The following SLC37A3 variants were observed in gnomAD, a reference collection of about 807,000 sequenced individuals.
SLC37A3 encodes sugar phosphate exchanger 3.
In SLC37A3, 51 loss-of-function variants were observed where a neutral mutation model predicts 67.1. That is an observed-to-expected ratio of 0.76 (90% CI 0.61 to 0.96). SLC37A3 has a LOEUF of 0.96. Among genes scored for constraint, SLC37A3 ranks in the 40% least tolerant of loss-of-function variants. SLC37A3 has a pLI of 0.00. For synonymous variants in SLC37A3, 214 were observed against 231.4 expected (o/e 0.92, Z 0.68); for missense variants, 508 against 603.0 (o/e 0.84, Z 1.65).
At chr7:140,397,621 A>C (rs1798990962) in intron 1 of SLC37A3, among the ~76,000 whole-genome samples, 1 of 152,190 alleles carries the variant, frequency 6.6e-6, no homozygotes, top group Admixed American at 6.5e-5. Context: ...AGCACTGAAG[A>C]CATTCCCTTC....
chr7:140,387,834 T>TATATATAA (rs2129905684), intron 1 of SLC37A3, among the ~76,000 whole-genome samples: 1 of 99,774 alleles, frequency 1.0e-5, no homozygotes, highest in South Asian at 2.5e-4. Context: ...ATATATATTA[T>TATATATAA]ATATAAACAT....
At chr7:140,398,055 T>C (rs1799007928) in intron 1 of SLC37A3, among the ~76,000 whole-genome samples, 1 of 152,152 alleles carries the variant, frequency 6.6e-6, no homozygotes, top group South Asian at 2.1e-4. Context: ...CCCTCTCCCC[T>C]GGTCCGAACG....
chr7:140,362,793 CCTGGCCAG>C (rs2117156433), intron 5 of SLC37A3, among the ~76,000 whole-genome samples: 1 of 91,816 alleles, frequency 1.1e-5, no homozygotes, highest in African/African-American at 4.1e-5. Context: ...CAGCCCCCCG[CCTGGCCAG>C]CCGCCCCGTC....
At chr7:140,362,407 C>G (rs868528706) in intron 5 of SLC37A3, among the ~76,000 whole-genome samples, 1 of 99,608 alleles carries the variant, frequency 1.0e-5, no homozygotes, top group South Asian at 4.3e-4. Context: ...CCGCCCCGTC[C>G]GGGAGGGAGG....
At chr7:140,383,284 A>G (rs2129831702) in intron 1 of SLC37A3, among the ~76,000 whole-genome samples, 1 of 151,786 alleles carries the variant, frequency 6.6e-6, no homozygotes, top group South Asian at 2.1e-4. Context: ...TTTTTCACAA[A>G]GTGTTGGAGG....
chr7:140,390,822 G>C (rs1373836004), intron 1 of SLC37A3, among the ~76,000 whole-genome samples: 3 of 152,058 alleles, frequency 2.0e-5, no homozygotes, highest in Admixed American at 1.3e-4. Context: ...CACCTCAACA[G>C]TCATCTGACC....
chr7:140,336,753 A>G (rs1796145959), intron 14 of SLC37A3, among the ~76,000 whole-genome samples: 1 of 152,158 alleles, frequency 6.6e-6, no homozygotes, highest in African/African-American at 2.4e-5. Context: ...AAATGGCAAT[A>G]TTCATTAGAC....
At chr7:140,365,538 T>G (rs1797563851) in intron 4 of SLC37A3, among the ~76,000 whole-genome samples, 1 of 152,088 alleles carries the variant, frequency 6.6e-6, no homozygotes, top group Admixed American at 6.6e-5. Flanking sequence ...CTGACCAACA[T>G]GGTGAAACCC....
At chr7:140,344,774 A>G (rs1796488518) in intron 12 of SLC37A3, among the ~76,000 whole-genome samples, 1 of 152,210 alleles carries the variant, frequency 6.6e-6, no homozygotes, top group Non-Finnish European at 1.5e-5. Context: ...AATAATAAAT[A>G]AAGTAAGTAA....
At chr7:140,360,081 T>C (rs964749237) in intron 5 of SLC37A3, among the ~76,000 whole-genome samples, 10 of 152,330 alleles carry the variant, frequency 6.6e-5, no homozygotes, top group Middle Eastern at 3.4e-3. Flanking sequence ...ACGCAGGGAC[T>C]TGTGCCGGTA....
At chr7:140,373,037 C>T (rs945655546) in intron 3 of SLC37A3, among the ~76,000 whole-genome samples, 5 of 152,118 alleles carry the variant, frequency 3.3e-5, no homozygotes, top group Admixed American at 6.6e-5. Context: ...CTGCGACCTC[C>T]GCCTATCGGG....
chr7:140,356,840 G>A (rs1010180594), intron 6 of SLC37A3, among the ~76,000 whole-genome samples: 62 of 152,196 alleles, frequency 4.1e-4, no homozygotes, highest in African/African-American at 1.4e-3. Context: ...GAAGGGCACA[G>A]AGCAATAAGA....
intron 3 of SLC37A3, among the ~76,000 whole-genome samples, chr7:140,377,811 G>A (rs1167474684): frequency 2.0e-5 from 3 of 152,150 alleles, no homozygotes; most frequent in East Asian, 1.9e-4. Flanking sequence ...CAGGAGGATC[G>A]TTTGAGCCCA....
In SLC37A3 at chr7:140,364,435, A is replaced by ACCCATC; in HGVS notation, c.347_348insGATGGG (p.Ser116_Phe117insMetGly). 1 of 1,614,122 alleles carries ACCCATC rather than the reference A, an allele frequency of 6.2e-7. No homozygotes were observed. On this transcript the variant is annotated inframe_insertion, in exon 5 of 15. Transcript: ENST00000326232. Reference sequence around the variant, plus strand: ...CTAATGCAGAAGAGCACATGCCAAAAGACAGAACCCATCGCAAATTCAACC... The same window carrying ACCCATC: ...CTAATGCAGAAGAGCACATGCCAAAACCCATCGACAGAACCCATCGCAAATTCAACC...
chr7:140,369,629 G>A lies in SLC37A3; in HGVS notation c.252C>T (p.Leu84=), dbSNP rs150737745. Residue 84 remains leucine, a synonymous_variant, in exon 4 of 15, where the codon CTC becomes CTT. Transcript: ENST00000326232. ...AGAGGAAAATGGTATCCAGTGTGCC[G>A]AGGAAAAGAGTCGCTTTCTCTGCAC... The part of the protein sequence containing the change: ...FPSAEKATLF[L]GTLDTIFLFS... 2.9e-5 allele frequency: 46 copies of A among 1,613,962 alleles called. No homozygotes were observed. The East Asian group carries it at 6.7e-4, about 23-fold the overall frequency.
At chr7:140,337,014 G>A (rs551182881) in intron 14 of SLC37A3, among the ~76,000 whole-genome samples, 6 of 148,866 alleles carry the variant, frequency 4.0e-5, no homozygotes, top group African/African-American at 1.5e-4. Context: ...TGGGAGAATC[G>A]CTTGAACCCG....
rs975273381 is a variant in SLC37A3 at position 140,339,432 on chromosome 7, C to T, written c.1327-2083G>A. Among the ~76,000 whole-genome samples, 10 of 149,290 alleles carry T rather than the reference C, an allele frequency of 6.7e-5. No individual in the cohort carries two copies. In the Middle Eastern group the frequency reaches 0.011, roughly 162 times the overall value. On this transcript the variant is annotated intron_variant, in intron 13 of 14. Transcript: ENST00000326232. Reference sequence around the variant, plus strand: ...CCTGCCACCACATCCAGCTAATTTTCGTATTTTTAGTAGAGACAGGGTTTC... The same window carrying T: ...CCTGCCACCACATCCAGCTAATTTTTGTATTTTTAGTAGAGACAGGGTTTC...
chr7:140,352,128 C>T lies in SLC37A3; in HGVS notation c.637G>A (p.Ala213Thr). 2 of 1,613,184 alleles carry T rather than the reference C, an allele frequency of 1.2e-6. No individual in the cohort carries two copies. Among genetic ancestry groups the T allele is most frequent in the South Asian group, 1.1e-5 (1 of 90,770 alleles). ...YGYEYAFLVTASVQFAGGIVI... is the reference protein window; with the variant it reads ...YGYEYAFLVTTSVQFAGGIVI... ...ATCCCACCAGCAAACTGCACAGACG[C>T]CGTCACCAGAAAGGCATACTGGAGG... The change falls in exon 8 of 15, where the codon GCG becomes ACG. Residue 213 changes from alanine to threonine, a missense_variant. Coordinates refer to ENST00000326232, the MANE Select transcript of SLC37A3 (RefSeq NM_207113.3).
At position 140,334,597 on chromosome 7, in the gene SLC37A3, G is replaced by A. The variant is rs1246046057; in HGVS notation, c.*815C>T. 1 of 152,668 alleles carries A rather than the reference G, an allele frequency of 6.6e-6. No individual in the cohort carries two copies. Among genetic ancestry groups the A allele is most frequent in the Non-Finnish European group, 1.5e-5 (1 of 68,084 alleles). 9.5% of individuals were successfully genotyped at this position (152,668 alleles called of 1,614,324 possible). ...ATCTGGGATGGAGTGCTTCGGCTGT[G>A]AGTTACACGTCGGAATGTTCAAGAT... is the stretch of plus-strand genomic sequence containing the variant. On this transcript the variant is annotated 3_prime_UTR_variant, in exon 15 of 15. Transcript: ENST00000326232.
Sources: allele counts gnomAD v4.1 joint callset (sites outside exome capture counted in the v4.1 genomes callset), GRCh38; gene constraint gnomAD v4.1.1; transcripts MANE v1.5; gene names NCBI Gene and HGNC (gene_info 2026-07-23, HGNC 2026-07-21).